The following SETBP1 variants were observed in gnomAD, a reference collection of about 807,000 sequenced individuals.
SETBP1 encodes the protein SET-binding protein.
Under a neutral mutation model 101.0 loss-of-function variants are expected in SETBP1, and 9 were observed. That is an observed-to-expected ratio of 0.09 (90% CI 0.05 to 0.16). SETBP1 has a LOEUF of 0.16. Ranked by LOEUF, SETBP1 falls within the 10% of genes least tolerant of loss-of-function variation. The pLI is 1.00. For missense variants in SETBP1, 1,858 were observed against 2,033.8 expected, an observed-to-expected ratio of 0.91 and a Z score of 1.66; for synonymous variants, 818 against 788.5, an observed-to-expected ratio of 1.04 and a Z score of -0.63.
intron 2 of SETBP1, among the ~76,000 whole-genome samples, chr18:44,834,460 G>T (rs989423808): frequency 2.0e-5 from 3 of 152,168 alleles, no homozygotes; most frequent in Admixed American, 6.5e-5. Flanking sequence ...GAGTCGAAAG[G>T]AGGGCTTCCT....
At position 45,063,112 on chromosome 18, in the gene SETBP1, G is replaced by T; in HGVS notation, c.4205G>T (p.Arg1402Leu). ...TCCCTGAAGAAGAGGTTCAAGCGGC[G>T]GGAGATCGAAGCCATCCAGTGCGAA... is the stretch of plus-strand genomic sequence containing the variant. ...GSSLKKRFKR[R>L]EIEAIQCEVR... Residue 1402 changes from arginine (R) to leucine (L), a missense_variant, in exon 6 of 6, where the codon CGG becomes CTG. This residue lies in a region of SETBP1 where 417 missense variants were observed against 389.1 expected (regional missense o/e 1.07). Coordinates refer to ENST00000649279, the MANE Select transcript of SETBP1 (RefSeq NM_015559.3). 6.2e-7 allele frequency: 1 copy of T among 1,613,914 alleles called. No homozygotes were observed. Among genetic ancestry groups the T allele is most frequent in the Non-Finnish European group, 8.5e-7 (1 of 1,180,004 alleles).
At chr18:44,825,490 A>AT (rs986902418) in intron 2 of SETBP1, among the ~76,000 whole-genome samples, 2 of 152,230 alleles carry the variant, frequency 1.3e-5, no homozygotes, top group African/African-American at 4.8e-5. Context: ...AGTAGATAAT[A>AT]TTTTTTAAGA....
At chr18:44,901,248 T>A (rs2070038333) in intron 3 of SETBP1, among the ~76,000 whole-genome samples, 1 of 152,218 alleles carries the variant, frequency 6.6e-6, no homozygotes, top group African/African-American at 2.4e-5. Flanking sequence ...TGTATAGCTC[T>A]GTCTATTCTG....
At chr18:44,743,600 G>A (rs2070148593) in intron 2 of SETBP1, among the ~76,000 whole-genome samples, 1 of 152,182 alleles carries the variant, frequency 6.6e-6, no homozygotes, top group Non-Finnish European at 1.5e-5. Flanking sequence ...CGTGGGATAT[G>A]GCTGTGTGTT....
At position 44,722,300 on chromosome 18, in the gene SETBP1, C is replaced by T. The variant is rs73952919; in HGVS notation, c.486+20468C>T. ...GATATTCCTAGTCACCATCTCCGGT[C>T]GCCTTTTTGTGCCCCCTTCCCTTGC... is the stretch of plus-strand genomic sequence containing the variant. On this transcript the variant is annotated intron_variant, in intron 2 of 5. Coordinates refer to ENST00000649279, the MANE Select transcript of SETBP1 (RefSeq NM_015559.3). Among the ~76,000 whole-genome samples, 319 of 152,278 alleles carry T rather than the reference C, an allele frequency of 2.1e-3. 1 individual carries two copies. Among genetic ancestry groups the T allele is most frequent in the African/African-American group, 6.9e-3 (287 of 41,550 alleles).
intron 2 of SETBP1, among the ~76,000 whole-genome samples, chr18:44,856,630 C>T (rs1320320631): frequency 1.3e-5 from 2 of 152,174 alleles, no homozygotes; most frequent in Non-Finnish European, 2.9e-5. Flanking sequence ...GAATGCCTGC[C>T]ATTTGCACTC....
intron 2 of SETBP1, among the ~76,000 whole-genome samples, chr18:44,861,395 T>C (rs1180348374): frequency 2.0e-5 from 3 of 151,796 alleles, no homozygotes; most frequent in African/African-American, 4.8e-5. Context: ...CCTGCCACTA[T>C]GCCCAGCTAA....
At chr18:45,014,795 T>C (rs2145393652) in intron 4 of SETBP1, among the ~76,000 whole-genome samples, 1 of 152,188 alleles carries the variant, frequency 6.6e-6, no homozygotes, top group East Asian at 1.9e-4. Context: ...AGAATGAATA[T>C]AATGCTCCAA....
intron 4 of SETBP1, among the ~76,000 whole-genome samples, chr18:45,026,606 T>A (rs930647130): frequency 6.6e-6 from 1 of 152,236 alleles, no homozygotes; most frequent in African/African-American, 2.4e-5. Context: ...CTTGGTACAT[T>A]GTACTACTAA....
chr18:44,699,243 C>T (rs551115593), intron 1 of SETBP1, among the ~76,000 whole-genome samples: 12 of 152,138 alleles, frequency 7.9e-5, no homozygotes, highest in Non-Finnish European at 1.8e-4. Flanking sequence ...AGACTGTGAA[C>T]ATTACTGCCA....
At chr18:44,877,519 T>G (rs2069435120) in intron 3 of SETBP1, 1 of 259,384 alleles carries the variant, frequency 3.9e-6, no homozygotes, top group African/African-American at 2.3e-5. Flanking sequence ...AGTATCTTTC[T>G]TGCTACTTTT....
intron 4 of SETBP1, among the ~76,000 whole-genome samples, chr18:44,998,971 G>A (rs2072558744): frequency 6.6e-6 from 1 of 152,196 alleles, no homozygotes; most frequent in Admixed American, 6.5e-5. Context: ...AGCTACTAAT[G>A]TTAACTTTAT....
chr18:44,840,060 G>T (rs191519108), intron 2 of SETBP1, among the ~76,000 whole-genome samples: 3 of 152,260 alleles, frequency 2.0e-5, no homozygotes, highest in African/African-American at 4.8e-5. Context: ...CCCAGAAGAG[G>T]CCTGTGCATG....
chr18:44,796,196 T>A (rs1292314545), intron 2 of SETBP1, among the ~76,000 whole-genome samples: 1 of 152,234 alleles, frequency 6.6e-6, no homozygotes, highest in Admixed American at 6.5e-5. Context: ...AGTGAATTTA[T>A]TTATCGGGTA....
rs185192170 is a variant in SETBP1 at position 44,831,638 on chromosome 18, C to T, written c.487-37592C>T. ...CATTTATAATTAAAAAATAATTGTA[C>T]TTATCGCCTCAGGTTATGAAGAGGA... On this transcript the variant is annotated intron_variant, in intron 2 of 5. Transcript: ENST00000649279. Among the ~76,000 whole-genome samples the T allele has an allele frequency of 2.1e-4, 32 of 152,266 alleles. 1 individual carries two copies. The highest frequency in any genetic ancestry group is 5.8e-4 in the African/African-American group (24 of 41,550).
chr18:44,964,035 G>A (rs2071670137), intron 4 of SETBP1, among the ~76,000 whole-genome samples: 1 of 150,392 alleles, frequency 6.6e-6, no homozygotes. Context: ...AGAAGTTTGG[G>A]AAGTTGTTAG....
chr18:44,832,976 C>T (rs1317374825), intron 2 of SETBP1, among the ~76,000 whole-genome samples: 3 of 152,218 alleles, frequency 2.0e-5, no homozygotes, highest in Non-Finnish European at 4.4e-5. Flanking sequence ...GACCCATCAC[C>T]TCTGGGTCCA....
intron 2 of SETBP1, among the ~76,000 whole-genome samples, chr18:44,795,762 T>C (rs1599139089): frequency 6.6e-6 from 1 of 152,206 alleles, no homozygotes; most frequent in East Asian, 1.9e-4. Flanking sequence ...TACATACACA[T>C]GTGGCCTTGC....
intron 4 of SETBP1, among the ~76,000 whole-genome samples, chr18:45,022,890 A>G (rs2073098278): frequency 6.6e-6 from 1 of 152,344 alleles, no homozygotes; most frequent in African/African-American, 2.4e-5. Context: ...GGCACTTTGA[A>G]GATAGAAATG....
Sources: gnomAD v4.1 joint callset for allele counts (sites outside exome capture counted in the v4.1 genomes callset) on GRCh38, gnomAD v4.1.1 for gene constraint, gnomAD v4.1.1 regional missense constraint, MANE v1.5 for transcripts, NCBI Gene and HGNC (gene_info 2026-07-23, HGNC 2026-07-21) for gene names.